MVD: variants seen among roughly 807,000 people sequenced by gnomAD.
MVD encodes the protein mevalonate diphosphate decarboxylase.
A neutral mutation model predicts 42.4 loss-of-function variants in MVD; 52 were observed. The observed-to-expected ratio is 1.23, with a 90% CI of 0.98 to 1.55. MVD has a LOEUF of 1.55. Ranked by LOEUF, MVD falls within the 40% of genes most tolerant of loss-of-function variation. The probability of loss-of-function intolerance (pLI) is 0.00; values close to 1 mark genes in which losing one functional copy is unlikely to be tolerated. For synonymous variants in MVD, 287 were observed against 243.2 expected (o/e 1.18, Z -1.68); for missense variants, 663 against 572.1 (o/e 1.16, Z -1.62).
chr16:88,656,630 G>T, intron 4 of MVD: 1 of 452,928 alleles, frequency 2.2e-6, no homozygotes, highest in Non-Finnish European at 4.1e-6. Flanking sequence ...GCTGGGCTTT[G>T]AGGGTGGGAA....
At chr16:88,655,764 T>G (rs1411682928) in intron 5 of MVD, 34 bp from the exon 6 acceptor site, 1 of 1,547,108 alleles carries the variant, frequency 6.5e-7, no homozygotes, top group Middle Eastern at 1.7e-4. Context: ...GGCCACACCC[T>G]GCAGGGGGCC....
At chr16:88,655,034 T>C (rs1907815808) in intron 7 of MVD, 165 bp downstream of exon 7, 7 of 990,224 alleles carry the variant, frequency 7.1e-6, no homozygotes, top group Non-Finnish European at 1.0e-5. Flanking sequence ...AGAAACAAAA[T>C]GAAACAGAAG....
intron 2 of MVD, 147 bp from the exon 3 acceptor site, chr16:88,658,176 C>T (rs574893603): frequency 2.2e-5 from 17 of 763,548 alleles, no homozygotes; most frequent in South Asian, 1.5e-4. Context: ...CCAGTCTCAG[C>T]TGGGCAGTGG....
chr16:88,655,100 T>C (rs554360576), intron 7 of MVD, 99 bp downstream of exon 7: 39 of 1,343,968 alleles, frequency 2.9e-5, no homozygotes, highest in Non-Finnish European at 3.0e-5. Flanking sequence ...CAGACACAGA[T>C]TGCCCTGCAC....
chr16:88,655,391 C>G lies in MVD; in HGVS notation c.705G>C (p.Ala235=), dbSNP rs756548082. Residue 235 remains alanine, a synonymous_variant, in exon 7 of 10, where the codon GCG becomes GCC. Transcript: ENST00000301012. ...LRFRAESVVP[A]RMAEMARCIR... ...TGCAGCGGGCCATCTCCGCCATGCG[C>G]GCGGGCACCACGGACTCGGCCCGGA... 1 of 1,590,062 alleles carries G rather than the reference C, an allele frequency of 6.3e-7. No individual in the cohort carries two copies. The highest frequency in any genetic ancestry group is 1.3e-5 in the African/African-American group (1 of 74,678).
At chr16:88,656,513 T>C in intron 4 of MVD, 2 of 609,618 alleles carry the variant, frequency 3.3e-6, no homozygotes, top group Admixed American at 2.9e-5. Context: ...ACACTCTCTG[T>C]TCACGGCCTG....
chr16:88,655,736 CGAGG>C lies in MVD; in HGVS notation c.604-10_604-7del, dbSNP rs1268063727. On this transcript the variant is annotated splice_polypyrimidine_tract_variant and splice_region_variant and intron_variant, in intron 5 of 9. Coordinates refer to ENST00000301012, the MANE Select transcript of MVD (RefSeq NM_002461.3). Reference sequence around the variant, plus strand: ...AGCTTCTTCTCAGCGCTCACCTGCACGAGGGAGAGACAGCCTGGGCCACACCCTG... The same window carrying C: ...AGCTTCTTCTCAGCGCTCACCTGCACGAGAGACAGCCTGGGCCACACCCTG... 15 of 1,554,236 alleles carry C rather than the reference CGAGG, an allele frequency of 9.7e-6. No homozygotes were observed. The highest frequency in any genetic ancestry group is 1.7e-4 in the Middle Eastern group (1 of 6,018).
chr16:88,662,931 C>T, intron 1 of MVD, 80 bp downstream of exon 1: 1 of 1,543,922 alleles, frequency 6.5e-7, no homozygotes, highest in South Asian at 1.2e-5. Flanking sequence ...ACGGAGCGCG[C>T]CGCCGAATCA....
rs1459621318 is a variant in MVD, at chr16:88,652,063, G to C, written c.*462C>G. ...CCGAGACACCTGGGCCGGGGGCAGG[G>C]TCTCAGCAGAAGCGCCGTGGGCAGC... is the stretch of plus-strand genomic sequence containing the variant. On this transcript the variant is annotated 3_prime_UTR_variant, in exon 10 of 10. Coordinates refer to ENST00000301012, the MANE Select transcript of MVD (RefSeq NM_002461.3). The C allele has an allele frequency of 1.4e-5, 3 of 207,934 alleles. No homozygotes were observed. The East Asian group carries it at 4.9e-4, about 34-fold the overall frequency. The allele number at this position is 207,934 out of a possible 1,614,324, so 12.9% of individuals were successfully genotyped here.
intron 1 of MVD, chr16:88,662,622 G>C: frequency 8.6e-7 from 1 of 1,165,686 alleles, no homozygotes; most frequent in Non-Finnish European, 1.1e-6. Flanking sequence ...GCTCACTGCA[G>C]CCTCGACCTC....
intron 1 of MVD, chr16:88,660,651 AT>A (rs963469105): frequency 2.6e-5 from 4 of 151,570 alleles, no homozygotes; most frequent in African/African-American, 9.7e-5. Context: ...TCTCAAAAAA[AT>A]AAATATAAAA....
At chr16:88,657,223 G>C (rs1567616010) in intron 4 of MVD, 5 of 756,790 alleles carry the variant, frequency 6.6e-6, no homozygotes, top group Non-Finnish European at 9.1e-6. Flanking sequence ...TGGGATTACA[G>C]GCGAGAGCCC....
intron 4 of MVD, 25 bp from the exon 5 acceptor site, chr16:88,656,329 G>A: frequency 6.3e-7 from 1 of 1,597,782 alleles, no homozygotes; most frequent in Non-Finnish European, 8.5e-7. Flanking sequence ...ATTCAGGGAG[G>A]GTCCTCAGAG....
chr16:88,662,871 C>A (rs897323176), intron 1 of MVD, 140 bp downstream of exon 1: 1 of 1,447,928 alleles, frequency 6.9e-7, no homozygotes, highest in East Asian at 2.8e-5. Flanking sequence ...ACCGCCGCGC[C>A]CCTCCCTGAG....
At chr16:88,657,221 C>G (rs6500486) in intron 4 of MVD, 2 of 743,188 alleles carry the variant, frequency 2.7e-6, no homozygotes, top group Non-Finnish European at 4.7e-6. Context: ...ACTGGGATTA[C>G]AGGCGAGAGC....
chr16:88,657,238 C>T (rs1177339969), intron 4 of MVD, 198 bp downstream of exon 4: 9 of 818,648 alleles, frequency 1.1e-5, no homozygotes, highest in Non-Finnish European at 1.8e-5. Flanking sequence ...GAGCCCCACG[C>T]CAGCTGCAAC....
At chr16:88,658,762 C>T (rs1232828963) in intron 1 of MVD, 42 bp from the exon 2 acceptor site, 2 of 1,394,556 alleles carry the variant, frequency 1.4e-6, no homozygotes, top group East Asian at 3.3e-5. Flanking sequence ...GCTTCCCGGC[C>T]CACCCTCCCC....
chr16:88,656,566 G>A (rs1442951723), intron 4 of MVD: 5 of 564,070 alleles, frequency 8.9e-6, no homozygotes, highest in African/African-American at 3.8e-5. Context: ...AGGTACCTGC[G>A]GCAGAGCAGG....
chr16:88,658,732 A>G lies in MVD; in HGVS notation c.71-12T>C. On this transcript the variant is annotated splice_polypyrimidine_tract_variant and intron_variant, in intron 1 of 9. Coordinates refer to ENST00000301012, the MANE Select transcript of MVD (RefSeq NM_002461.3). ...ATCGCGCTTGCCCCCTGTAATGAAC[A>G]GCCAGGGCCAGGCCGGTGGGCTTCC... is the stretch of plus-strand genomic sequence containing the variant. 1 of 1,607,758 alleles carries G rather than the reference A, an allele frequency of 6.2e-7. No individual in the cohort carries two copies. The highest frequency in any genetic ancestry group is 1.7e-4 in the Middle Eastern group (1 of 6,048).
Sources: gnomAD v4.1 joint callset for allele counts on GRCh38, gnomAD v4.1.1 for gene constraint, MANE v1.5 for transcripts, NCBI Gene and HGNC (gene_info 2026-07-23, HGNC 2026-07-21) for gene names.